CCSER1: variants seen among roughly 807,000 people sequenced by gnomAD.
CCSER1 encodes coiled-coil serine rich protein 1.
A neutral mutation model predicts 82.0 loss-of-function variants in CCSER1; 41 were observed. The ratio of observed to expected loss-of-function variants is 0.50; its 90% confidence interval spans 0.39 to 0.65. The LOEUF (loss-of-function observed/expected upper bound fraction) is 0.65. CCSER1 is among the 30% of genes least tolerant of loss of function. CCSER1 has a pLI of 0.00. For synonymous variants in CCSER1, 414 were observed against 383.9 expected, an observed-to-expected ratio of 1.08 and a Z score of -0.92; for missense variants, 1,119 against 1,064.2, an observed-to-expected ratio of 1.05 and a Z score of -0.72.
intron 8 of CCSER1, among the ~76,000 whole-genome samples, chr4:90,865,085 T>G (rs2150004203): frequency 6.6e-6 from 1 of 152,176 alleles, no homozygotes; most frequent in East Asian, 1.9e-4. Context: ...AATATATTCT[T>G]TTCCTTGTCA....
At chr4:90,631,083 C>T (rs1454942541) in intron 6 of CCSER1, among the ~76,000 whole-genome samples, 6 of 151,824 alleles carry the variant, frequency 4.0e-5, no homozygotes, top group East Asian at 1.9e-4. Context: ...TTAGTAGAGA[C>T]GGGGTTTCAC....
intron 9 of CCSER1, among the ~76,000 whole-genome samples, chr4:90,954,237 G>C (rs1733203422): frequency 6.6e-6 from 1 of 151,852 alleles, no homozygotes; most frequent in Non-Finnish European, 1.5e-5. Context: ...GAATAAAGTA[G>C]AAAATACATT....
At chr4:91,327,487 A>T (rs551157759) in intron 10 of CCSER1, among the ~76,000 whole-genome samples, 1 of 152,084 alleles carries the variant, frequency 6.6e-6, no homozygotes, top group East Asian at 1.9e-4. Context: ...GGCCCATGAA[A>T]CCATTTTTCC....
intron 10 of CCSER1, among the ~76,000 whole-genome samples, chr4:91,376,208 G>T (rs574150883): frequency 2.0e-5 from 3 of 152,294 alleles, no homozygotes; most frequent in Non-Finnish European, 4.4e-5. Flanking sequence ...GTCCCTTAAT[G>T]ACAGAGATAC....
chr4:90,391,465 TATATATATATATATATATATACAC>T (rs1391941068), intron 3 of CCSER1, among the ~76,000 whole-genome samples: 5 of 90,392 alleles, frequency 5.5e-5, no homozygotes, highest in African/African-American at 1.8e-4. Flanking sequence ...TATATATATA[TATATATATATATATATATATACAC>T]ACACACAGTG....
chr4:91,285,959 C>A (rs999508040), intron 10 of CCSER1, among the ~76,000 whole-genome samples: 1 of 150,692 alleles, frequency 6.6e-6, no homozygotes, highest in Non-Finnish European at 1.5e-5. Flanking sequence ...TTGATTCTAG[C>A]GTGTTTGTTT....
chr4:91,145,786 T>C (rs1026395768), intron 10 of CCSER1, among the ~76,000 whole-genome samples: 9 of 152,168 alleles, frequency 5.9e-5, no homozygotes, highest in African/African-American at 1.7e-4. Flanking sequence ...ACTCCTAATC[T>C]CTTCTGGCTT....
At chr4:90,523,105 A>C (rs1378445378) in intron 5 of CCSER1, among the ~76,000 whole-genome samples, 1 of 152,200 alleles carries the variant, frequency 6.6e-6, no homozygotes, top group Non-Finnish European at 1.5e-5. Context: ...TAAGAATGGC[A>C]GAATCAAATG....
intron 10 of CCSER1, among the ~76,000 whole-genome samples, chr4:91,337,334 A>G (rs1051143073): frequency 1.3e-5 from 2 of 152,062 alleles, no homozygotes; most frequent in Non-Finnish European, 2.9e-5. Context: ...AGAGAACCAT[A>G]TTTTTCTGCG....
chr4:90,261,497 GT>G (rs1724328978), intron 1 of CCSER1, among the ~76,000 whole-genome samples: 1 of 152,100 alleles, frequency 6.6e-6, no homozygotes. Flanking sequence ...TCCTCTGTGG[GT>G]TACCTGATGC....
intron 10 of CCSER1, among the ~76,000 whole-genome samples, chr4:91,517,540 A>T (rs768458473): frequency 1.1e-4 from 16 of 152,018 alleles, no homozygotes; most frequent in Non-Finnish European, 2.1e-4. Context: ...ATAATCCACA[A>T]CTTCTTTGGA....
At chr4:91,214,488 T>A (rs569112564) in intron 10 of CCSER1, among the ~76,000 whole-genome samples, 6 of 152,316 alleles carry the variant, frequency 3.9e-5, no homozygotes, top group Admixed American at 6.5e-5. Context: ...ATCTTGATAT[T>A]CCCGAATGCT....
At chr4:90,798,595 A>T (rs910987085) in intron 7 of CCSER1, among the ~76,000 whole-genome samples, 1 of 152,116 alleles carries the variant, frequency 6.6e-6, no homozygotes, top group African/African-American at 2.4e-5. Context: ...ATTCTATTTC[A>T]TCTTTGTGGG....
chr4:90,162,271 C>T (rs1266735331), intron 1 of CCSER1, among the ~76,000 whole-genome samples: 1 of 152,068 alleles, frequency 6.6e-6, no homozygotes, highest in African/African-American at 2.4e-5. Flanking sequence ...CTGTTCCTAA[C>T]TGAAATATTG....
chr4:91,168,803 G>C (rs1421965654), intron 10 of CCSER1, among the ~76,000 whole-genome samples: 1 of 152,082 alleles, frequency 6.6e-6, no homozygotes, highest in Non-Finnish European at 1.5e-5. Flanking sequence ...GATTGTTACT[G>C]TGTCTGTGTA....
At chr4:91,517,398 A>G (rs992677694) in intron 10 of CCSER1, among the ~76,000 whole-genome samples, 3 of 152,194 alleles carry the variant, frequency 2.0e-5, no homozygotes, top group Non-Finnish European at 4.4e-5. Context: ...AGTTTTTAAC[A>G]TGAAGGATGT....
At chr4:91,178,996 G>A (rs1410881385) in intron 10 of CCSER1, among the ~76,000 whole-genome samples, 2 of 152,266 alleles carry the variant, frequency 1.3e-5, no homozygotes, top group East Asian at 3.9e-4. Flanking sequence ...GGCAGGCCTG[G>A]TGGTGACAAA....
At chr4:91,091,605 G>A (rs2148827103) in intron 10 of CCSER1, among the ~76,000 whole-genome samples, 1 of 152,214 alleles carries the variant, frequency 6.6e-6, no homozygotes, top group Non-Finnish European at 1.5e-5. Flanking sequence ...TCAGCTTCCG[G>A]GTGTGACTGG....
chr4:91,467,921 A>C (rs555449606), intron 10 of CCSER1, among the ~76,000 whole-genome samples: 1 of 152,216 alleles, frequency 6.6e-6, no homozygotes, highest in Admixed American at 6.5e-5. Flanking sequence ...AAACTATTTC[A>C]ACCATTGTGG....
Sources: gnomAD v4.1 joint callset for allele counts (sites outside exome capture counted in the v4.1 genomes callset) on GRCh38, gnomAD v4.1.1 for gene constraint, MANE v1.5 for transcripts, NCBI Gene and HGNC (gene_info 2026-07-23, HGNC 2026-07-21) for gene names.